PIK3C2A: variants seen among roughly 807,000 people sequenced by gnomAD.
The protein encoded by PIK3C2A is phosphatidylinositol-4-phosphate 3-kinase catalytic subunit type 2 alpha.
A neutral mutation model predicts 204.5 loss-of-function variants in PIK3C2A; 97 were observed. The ratio of observed to expected loss-of-function variants is 0.47; its 90% confidence interval spans 0.40 to 0.56. The LOEUF (loss-of-function observed/expected upper bound fraction) is 0.56. Among genes scored for constraint, PIK3C2A ranks in the 20% least tolerant of loss-of-function variants. PIK3C2A has a pLI of 0.00. For synonymous variants in PIK3C2A, 653 were observed against 664.4 expected (o/e 0.98, Z 0.26); for missense variants, 1,735 against 1,969.2 (o/e 0.88, Z 2.25).
rs775098118 is a variant in PIK3C2A at position 17,150,533 on chromosome 11, T to C, written c.1292A>G (p.Glu431Gly). ...NASVKVSIDI[E>G]GFQLPVTFTC... is the part of the protein sequence containing the mutation. The stretch of plus-strand genomic sequence containing the variant: ...AAAAGTAACTGGTAGCTGAAATCCT[T>C]CAATGTCAATGGAGACCTTCACACT... Residue 431 changes from glutamate (E) to glycine (G), a missense_variant, in exon 4 of 33, where the codon GAA becomes GGA. Physicochemically the swap from Glu to Gly is moderately conservative, Grantham distance 98. Transcript: ENST00000691414. The C allele has an allele frequency of 3.7e-6, 6 of 1,608,890 alleles. No individual in the cohort carries two copies. The Admixed American group carries it at 1.0e-4, about 27-fold the overall frequency.
At chr11:17,129,501 T>A in intron 12 of PIK3C2A, 34 bp from the exon 13 acceptor site, 1 of 1,357,904 alleles carries the variant, frequency 7.4e-7, no homozygotes, top group East Asian at 2.3e-5. Flanking sequence ...TAGAACAAAT[T>A]AGATTGAATG....
At chr11:17,119,165 C>T (rs1849295226) in intron 17 of PIK3C2A, 55 bp downstream of exon 17, 2 of 997,522 alleles carry the variant, frequency 2.0e-6, no homozygotes, top group African/African-American at 3.2e-5. Context: ...TTAGCAAGTT[C>T]CCATAAAAAA....
At chr11:17,144,349 T>C (rs543411638) in intron 8 of PIK3C2A, among the ~76,000 whole-genome samples, 67 of 152,326 alleles carry the variant, frequency 4.4e-4, no homozygotes, top group African/African-American at 1.5e-3. Context: ...CATTTTACTA[T>C]ACTATATTGA....
rs1463628178 is a variant in PIK3C2A at position 17,169,185 on chromosome 11, T to C, written c.557A>G (p.Tyr186Cys). 4 of 1,613,858 alleles carry C rather than the reference T, an allele frequency of 2.5e-6. No individual in the cohort carries two copies. In the African/African-American group the frequency reaches 5.3e-5, roughly 22 times the overall value. ...TGGAGATTGTCCCGGAAGACTTAAA[T>C]ATATAGGTTCTGTAGATGGAAAAGT... is the stretch of plus-strand genomic sequence containing the variant. ...MPTFPSTEPI[Y>C]LSLPGQSPYF... The change falls in exon 2 of 33, where the codon TAT (tyrosine) becomes TGT (cysteine). Residue 186 changes from tyrosine (Y) to cysteine (C), a missense_variant. Coordinates refer to ENST00000691414, the MANE Select transcript of PIK3C2A (RefSeq NM_002645.4).
At chr11:17,134,256 G>C (rs922122874) in intron 11 of PIK3C2A, among the ~76,000 whole-genome samples, 2 of 152,052 alleles carry the variant, frequency 1.3e-5, no homozygotes, top group African/African-American at 4.8e-5. Context: ...ACCCAGGCTG[G>C]AGTGCAGTGG....
chr11:17,101,418 C>CA lies in PIK3C2A; in HGVS notation c.3867dup (p.Val1290CysfsTer5). ...ACATATGCCATATCAGAGGTCAGCA[C>CA]AAAAGGAGCCCGATCCCTATTTAAA... On this transcript the variant is annotated frameshift_variant, in exon 25 of 33. Transcript: ENST00000691414. LOFTEE classifies it high-confidence loss of function. The CA allele has an allele frequency of 6.5e-7, 1 of 1,536,160 alleles. No individual in the cohort carries two copies.
intron 1 of PIK3C2A, among the ~76,000 whole-genome samples, chr11:17,185,463 C>T (rs567033): frequency 0.49 from 74,235 of 151,934 alleles, 19,085 homozygotes; most frequent in East Asian, 0.81. Flanking sequence ...CATGACTGTA[C>T]ACATAGGGTT....
intron 25 of PIK3C2A, 121 bp from the exon 26 acceptor site, chr11:17,100,090 G>T (rs959253123): frequency 2.0e-5 from 11 of 538,426 alleles, no homozygotes; most frequent in East Asian, 6.0e-5. Flanking sequence ...AGTCTTGAGG[G>T]GTTCATTAGT....
chr11:17,095,247 T>C (rs553631937), intron 27 of PIK3C2A, among the ~76,000 whole-genome samples: 10 of 150,928 alleles, frequency 6.6e-5, no homozygotes, highest in South Asian at 4.2e-4. Flanking sequence ...GCCAGGGTAA[T>C]AGAGCGAGAC....
intron 11 of PIK3C2A, among the ~76,000 whole-genome samples, 191 bp from the exon 12 acceptor site, chr11:17,132,229 G>C (rs1203393356): frequency 1.3e-5 from 2 of 151,870 alleles, no homozygotes; most frequent in Non-Finnish European, 2.9e-5. Flanking sequence ...AAGAGGTTTG[G>C]TAAAGGGGAT....
chr11:17,153,580 A>G (rs1331761454), intron 3 of PIK3C2A, among the ~76,000 whole-genome samples: 1 of 152,222 alleles, frequency 6.6e-6, no homozygotes, highest in Non-Finnish European at 1.5e-5. Flanking sequence ...GTATTACAGA[A>G]TCTTAAACTG....
rs1219207468 is a variant in PIK3C2A at position 17,169,517 on chromosome 11, GA to G, written c.224del (p.Leu75ProfsTer14). 1.2e-6 allele frequency: 2 copies of G among 1,613,872 alleles called. No homozygotes were observed. Among genetic ancestry groups the G allele is most frequent in the Non-Finnish European group, 1.7e-6 (2 of 1,179,926 alleles). ...AQVYNKQDYD[L>X]MVFPESDSQK... is the part of the protein sequence containing the mutation. Reference sequence around the variant, plus strand: ...GGGAATCTGATTCAGGAAACACCATGAGATCATAATCCTGCTTGTTATAAAC... The same window carrying G: ...GGGAATCTGATTCAGGAAACACCATGGATCATAATCCTGCTTGTTATAAAC... On this transcript the variant is annotated frameshift_variant, in exon 2 of 33. Transcript: ENST00000691414. LOFTEE classifies it high-confidence loss of function.
chr11:17,147,795 A>C (rs1020826984), intron 5 of PIK3C2A, among the ~76,000 whole-genome samples, 167 bp from the exon 6 acceptor site: 1 of 152,236 alleles, frequency 6.6e-6, no homozygotes, highest in African/African-American at 2.4e-5. Flanking sequence ...CTGTACGAGA[A>C]GAGTCAATGT....
intron 9 of PIK3C2A, 99 bp downstream of exon 9, chr11:17,136,383 A>G (rs1252680024): frequency 2.1e-6 from 2 of 936,206 alleles, no homozygotes; most frequent in South Asian, 2.9e-5. Context: ...AGTAAAAGCC[A>G]AAGTTAAAAT....
At position 17,119,909 on chromosome 11, in the gene PIK3C2A, C is replaced by T; in HGVS notation, c.2723G>A (p.Cys908Tyr). ...KRYYCFKHPNCLPKILASAPN... is the reference protein window; with the variant it reads ...KRYYCFKHPNYLPKILASAPN... Reference sequence around the variant, plus strand: ...GGCGCTTGCTAATATTTTAGGAAGACAATTTGGGTGTTTGAAGCAATAATA... The same window carrying T: ...GGCGCTTGCTAATATTTTAGGAAGATAATTTGGGTGTTTGAAGCAATAATA... The change falls in exon 16 of 33, where the codon TGT becomes TAT. Residue 908 changes from cysteine (C) to tyrosine (Y), a missense_variant. By Grantham distance (194) the Cys-to-Tyr change is radical. This residue lies in a region of PIK3C2A where 567 missense variants were observed against 576.0 expected (regional missense o/e 0.98). Transcript: ENST00000691414. 1 of 1,610,870 alleles carries T rather than the reference C, an allele frequency of 6.2e-7. No individual in the cohort carries two copies. Among genetic ancestry groups the T allele is most frequent in the Non-Finnish European group, 8.5e-7 (1 of 1,178,108 alleles).
Position 17,099,878 on chromosome 11 carries a change from G to A in PIK3C2A, c.4100C>T (p.Ala1367Val), listed in dbSNP as rs1159030904. 4 of 1,519,698 alleles carry A rather than the reference G, an allele frequency of 2.6e-6. No individual in the cohort carries two copies. Among genetic ancestry groups the A allele is most frequent in the Non-Finnish European group, 3.7e-6 (4 of 1,095,536 alleles). The allele number at this position is 1,519,698 out of a possible 1,614,324, so 94.1% of individuals were successfully genotyped here. A position where few individuals can be genotyped will look rare whatever the true frequency, so the allele number is the denominator to read the frequency against. The change falls in exon 26 of 33, where the codon GCT (alanine) becomes GTT (valine). Residue 1367 changes from alanine (A) to valine (V), a missense_variant. Physicochemically the swap from Ala to Val is moderately conservative, Grantham distance 64. Around this residue, in one of 6 missense-constraint regions of PIK3C2A, gnomAD observed 503 missense variants for 669.0 expected, o/e 0.75. Transcript: ENST00000691414. ...GCTTTACCTAGTAAAGAAAATTGTA[G>A]CTTCTGCGTCTGTAGTTTGGGGTTG... ...ALQPQTTDAE[A>V]TIFFTRLIES...
intron 8 of PIK3C2A, among the ~76,000 whole-genome samples, chr11:17,138,572 C>T (rs1290634362): frequency 3.3e-5 from 5 of 152,182 alleles, no homozygotes; most frequent in Admixed American, 3.3e-4. Context: ...CTTTTTTCCT[C>T]AGCCTAGAGG....
intron 13 of PIK3C2A, among the ~76,000 whole-genome samples, chr11:17,127,309 T>C (rs190874123): frequency 6.6e-6 from 1 of 152,066 alleles, no homozygotes; most frequent in East Asian, 1.9e-4. Flanking sequence ...AATAAATATG[T>C]GTTTTTTTTT....
At chr11:17,103,728 G>A (rs904713791) in intron 23 of PIK3C2A, among the ~76,000 whole-genome samples, 1 of 152,124 alleles carries the variant, frequency 6.6e-6, no homozygotes, top group African/African-American at 2.4e-5. Flanking sequence ...GAGGTTGTTT[G>A]CCCAAGATCA....
Sources: gnomAD v4.1 joint callset for allele counts (sites outside exome capture counted in the v4.1 genomes callset) on GRCh38, gnomAD v4.1.1 for gene constraint, gnomAD v4.1.1 regional missense constraint, MANE v1.5 for transcripts, NCBI Gene and HGNC (gene_info 2026-07-23, HGNC 2026-07-21) for gene names.